The following JAM3 variants were observed in gnomAD, a reference collection of about 807,000 sequenced individuals.
JAM3 encodes the protein junctional adhesion molecule 3, also known as junctional adhesion molecule C.
JAM3 carries 31 observed loss-of-function variants against 39.4 expected under a neutral mutation model. That is an observed-to-expected ratio of 0.79 (90% CI 0.59 to 1.06). The LOEUF (loss-of-function observed/expected upper bound fraction) is 1.06, where lower values mean the gene tolerates loss of function less well. Among genes scored for constraint, JAM3 ranks in the 50% least tolerant of loss-of-function variants. The pLI is 0.00. For missense variants in JAM3, 455 were observed against 391.4 expected (o/e 1.16, Z -1.37); for synonymous variants, 182 against 148.7 (o/e 1.22, Z -1.63).
In JAM3 at chr11:134,150,441, G is replaced by A. The variant is rs1943184818; in HGVS notation, c.*1260G>A. On this transcript the variant is annotated 3_prime_UTR_variant, in exon 9 of 9. Coordinates refer to ENST00000299106, the MANE Select transcript of JAM3 (RefSeq NM_032801.5). Reference sequence around the variant, plus strand: ...TCACTGTTGCCTCGCTGTCTGCCAGGAGGCCCTGCCATCCTTGGGCCCTGG... The same window carrying A: ...TCACTGTTGCCTCGCTGTCTGCCAGAAGGCCCTGCCATCCTTGGGCCCTGG... 6.6e-6 allele frequency: 1 copy of A among 152,244 alleles called. No homozygotes were observed. Among genetic ancestry groups the A allele is most frequent in the African/African-American group, 2.4e-5 (1 of 41,454 alleles). 9.4% of individuals were successfully genotyped at this position (152,244 alleles called of 1,614,324 possible).
intron 4 of JAM3, 96 bp downstream of exon 4, chr11:134,144,489 G>T: frequency 1.4e-6 from 2 of 1,396,258 alleles, no homozygotes; most frequent in South Asian, 2.3e-5. Flanking sequence ...TATCCCTGAG[G>T]GCTTCACATG....
chr11:134,125,188 G>A (rs1942622520), intron 1 of JAM3, among the ~76,000 whole-genome samples: 1 of 152,252 alleles, frequency 6.6e-6, no homozygotes, highest in Non-Finnish European at 1.5e-5. Context: ...CGCCACCGCC[G>A]CTGCACGGGC....
chr11:134,074,905 T>C (rs1331352047), intron 1 of JAM3, among the ~76,000 whole-genome samples: 1 of 151,808 alleles, frequency 6.6e-6, no homozygotes, highest in Non-Finnish European at 1.5e-5. Flanking sequence ...TGTCTTTCTC[T>C]AAGGAAAATA....
chr11:134,149,448 G>A lies in JAM3; in HGVS notation c.*267G>A. ...TGAGTTGGGTTCCTAATCTGTTTCTGGCCTGATTCCCGCATGAGTATTAGG... is the reference window on the plus strand; with the variant it reads ...TGAGTTGGGTTCCTAATCTGTTTCTAGCCTGATTCCCGCATGAGTATTAGG... On this transcript the variant is annotated 3_prime_UTR_variant, in exon 9 of 9. Transcript: ENST00000299106. 1 of 591,152 alleles carries A rather than the reference G, an allele frequency of 1.7e-6. No individual in the cohort carries two copies. Among genetic ancestry groups the A allele is most frequent in the Non-Finnish European group, 3.0e-6 (1 of 329,204 alleles). The allele number at this position is 591,152 out of a possible 1,614,324, so 36.6% of individuals were successfully genotyped here.
rs116107970 is a variant in JAM3, at chr11:134,108,878, A to G, written c.77-30973A>G. ...AATTAGGAATAGAGGGAGTTTCCCA[A>G]TCTGATAAACAATATCCATGAAAAA... On this transcript the variant is annotated intron_variant, in intron 1 of 8. Transcript: ENST00000299106. 5.4e-3 allele frequency among the ~76,000 whole-genome samples: 817 copies of G among 152,290 alleles called. 3 individuals are homozygous for G. The highest frequency in any genetic ancestry group is 0.017 in the African/African-American group (717 of 41,556).
rs79113476 is a variant in JAM3, at chr11:134,120,155, G to A, written c.77-19696G>A. On this transcript the variant is annotated intron_variant, in intron 1 of 8. Transcript: ENST00000299106. ...TATTCTTCTCTAGGGTAGACTCTGC[G>A]AAGCAGCTGTACAGCAGCGGTCTGC... Among the ~76,000 whole-genome samples, 27 of 152,152 alleles carry A rather than the reference G, an allele frequency of 1.8e-4. No homozygotes were observed. The East Asian group carries it at 4.6e-3, about 26-fold the overall frequency.
intron 1 of JAM3, among the ~76,000 whole-genome samples, chr11:134,089,698 C>T (rs1941808631): frequency 6.6e-6 from 1 of 152,148 alleles, no homozygotes; most frequent in African/African-American, 2.4e-5. Flanking sequence ...TTTCTTAATC[C>T]AGTCTATCAT....
At position 134,148,549 on chromosome 11, in the gene JAM3, G is replaced by T; in HGVS notation, c.715G>T (p.Asp239Tyr). ...RCEEQEMEVY[D>Y]LNIGGIIGGV... ...CCACCAAACCTCCTTTTCTTCAGAT[G>T]ACCTGAACATTGGCGGAATTATTGG... The change falls in exon 7 of 9, where the codon GAC (aspartate) becomes TAC (tyrosine). Residue 239 changes from aspartate (D) to tyrosine (Y), a missense_variant and splice_region_variant. Coordinates refer to ENST00000299106, the MANE Select transcript of JAM3 (RefSeq NM_032801.5). 6.2e-7 allele frequency: 1 copy of T among 1,614,146 alleles called. No individual in the cohort carries two copies. The highest frequency in any genetic ancestry group is 8.5e-7 in the Non-Finnish European group (1 of 1,180,018).
intron 1 of JAM3, among the ~76,000 whole-genome samples, chr11:134,118,964 G>T (rs1942486374): frequency 7.6e-6 from 1 of 131,934 alleles, no homozygotes; most frequent in Admixed American, 8.0e-5. Flanking sequence ...TTGTGCTCAA[G>T]AAATCTTTTT....
At chr11:134,121,876 G>A (rs753090069) in intron 1 of JAM3, among the ~76,000 whole-genome samples, 5 of 151,826 alleles carry the variant, frequency 3.3e-5, no homozygotes, top group South Asian at 2.1e-4. Flanking sequence ...AAAATTCAGA[G>A]TGTGTCAAAG....
chr11:134,096,812 A>G (rs1029944259), intron 1 of JAM3, among the ~76,000 whole-genome samples: 2 of 152,160 alleles, frequency 1.3e-5, no homozygotes, highest in Non-Finnish European at 1.5e-5. Flanking sequence ...ACTGGCCAGA[A>G]TTATTCTTTA....
chr11:134,104,881 AAAAG>A (rs1253529533), intron 1 of JAM3, among the ~76,000 whole-genome samples: 1 of 152,182 alleles, frequency 6.6e-6, no homozygotes, highest in African/African-American at 2.4e-5. Flanking sequence ...CCAACCAAAA[AAAAG>A]CCCAGGGCCA....
chr11:134,069,089 G>T lies in JAM3; in HGVS notation c.6G>T (p.Ala2=), dbSNP rs753780637. ...GCCCCTCAGCAACCCTCGACATGGC[G>T]CTGAGGCGGCCACCGCGACTCCGGC... The part of the protein sequence containing the change: M[A]LRRPPRLRLC... The change falls in exon 1 of 9, where the codon GCG becomes GCT. Residue 2 remains alanine (A), a synonymous_variant. Transcript: ENST00000299106. The T allele has an allele frequency of 1.2e-6, 2 of 1,611,158 alleles. No individual in the cohort carries two copies. The highest frequency in any genetic ancestry group is 1.3e-5 in the African/African-American group (1 of 74,710).
At chr11:134,133,601 A>G (rs545253031) in intron 1 of JAM3, among the ~76,000 whole-genome samples, 78 of 152,150 alleles carry the variant, frequency 5.1e-4, no homozygotes, top group African/African-American at 1.7e-3. Flanking sequence ...ATTGATTTTT[A>G]TGTGTTTCAG....
rs1327712604 is a variant in JAM3 at position 134,148,532 on chromosome 11, C to T, written c.713-15C>T. 1.9e-6 allele frequency: 3 copies of T among 1,614,144 alleles called. No homozygotes were observed. Among genetic ancestry groups the T allele is most frequent in the East Asian group, 2.2e-5 (1 of 44,884 alleles). On this transcript the variant is annotated splice_polypyrimidine_tract_variant and intron_variant, in intron 6 of 8. Coordinates refer to ENST00000299106, the MANE Select transcript of JAM3 (RefSeq NM_032801.5). ...AGTGTGTATCATGGCTTCCACCAAA[C>T]CTCCTTTTCTTCAGATGACCTGAAC...
intron 1 of JAM3, among the ~76,000 whole-genome samples, chr11:134,093,526 G>A (rs993815599): frequency 2.0e-4 from 23 of 115,398 alleles, no homozygotes; most frequent in East Asian, 6.7e-4. Context: ...CTTCTCCTGA[G>A]CCCTCCTTAT....
chr11:134,146,079 G>A, intron 6 of JAM3, 34 bp downstream of exon 6: 1 of 1,339,524 alleles, frequency 7.5e-7, no homozygotes, highest in Non-Finnish European at 1.1e-6. Flanking sequence ...TTCATCGCAA[G>A]ACTGGGAAGT....
intron 1 of JAM3, among the ~76,000 whole-genome samples, chr11:134,104,675 C>T (rs185250773): frequency 3.9e-5 from 6 of 152,164 alleles, no homozygotes; most frequent in East Asian, 3.9e-4. Context: ...AAGGAGATAT[C>T]GCCACCGATC....
At chr11:134,130,214 C>T (rs76886282) in intron 1 of JAM3, among the ~76,000 whole-genome samples, 3,176 of 152,168 alleles carry the variant, frequency 0.021, 112 homozygotes, top group African/African-American at 0.072. Context: ...GCCAGTTTAC[C>T]GACTTACAGT....
Sources: gnomAD v4.1 joint callset for allele counts (sites outside exome capture counted in the v4.1 genomes callset) on GRCh38, gnomAD v4.1.1 for gene constraint, MANE v1.5 for transcripts, NCBI Gene and HGNC (gene_info 2026-07-23, HGNC 2026-07-21) for gene names.